The following ARB2A variants were observed in gnomAD, a reference collection of about 807,000 sequenced individuals.
ARB2A encodes the protein cotranscriptional regulator ARB2A.
At chr5:93,769,642 C>T in the ARB2A span, among the ~76,000 whole-genome samples, 1 of 152,270 alleles carries the variant, frequency 6.6e-6, no homozygotes, top group South Asian at 2.1e-4. Flanking sequence ...TTGATGCCAG[C>T]TTCTAAAGGA....
At chr5:93,969,882 G>T in the ARB2A span, among the ~76,000 whole-genome samples, 1 of 152,032 alleles carries the variant, frequency 6.6e-6, no homozygotes, top group Non-Finnish European at 1.5e-5. Flanking sequence ...TAATTTAAGG[G>T]GGTGGGGAAG....
At chr5:93,852,091 T>G in the ARB2A span, among the ~76,000 whole-genome samples, 42 of 152,210 alleles carry the variant, frequency 2.8e-4, no homozygotes, top group Non-Finnish European at 4.4e-5. Flanking sequence ...GTGTTCCTAT[T>G]TCTCCACATC....
chr5:94,034,807 G>A, the ARB2A span, among the ~76,000 whole-genome samples: 1 of 152,126 alleles, frequency 6.6e-6, no homozygotes, highest in Admixed American at 6.5e-5. Flanking sequence ...GTTAGGAACC[G>A]GGCTGCACAG....
At chr5:93,752,654 C>T in the ARB2A span, among the ~76,000 whole-genome samples, 10 of 151,878 alleles carry the variant, frequency 6.6e-5, no homozygotes, top group East Asian at 3.9e-4. Context: ...GGATAATATT[C>T]GACCTGATGA....
At chr5:93,887,398 C>T in the ARB2A span, among the ~76,000 whole-genome samples, 1 of 151,716 alleles carries the variant, frequency 6.6e-6, no homozygotes, top group Non-Finnish European at 1.5e-5. Context: ...AAAGAAACTA[C>T]AGTTTTATTA....
chr5:93,710,602 AG>A, the ARB2A span, among the ~76,000 whole-genome samples: 1 of 152,348 alleles, frequency 6.6e-6, no homozygotes, highest in African/African-American at 2.4e-5. Context: ...TAGTATTTAA[AG>A]GGTAACTAGA....
chr5:94,005,960 G>C, the ARB2A span, among the ~76,000 whole-genome samples: 4 of 152,162 alleles, frequency 2.6e-5, no homozygotes, highest in Non-Finnish European at 1.5e-5. Context: ...AGACACTCTG[G>C]AAAACACTTT....
the ARB2A span, among the ~76,000 whole-genome samples, chr5:94,073,252 C>A: frequency 6.6e-6 from 1 of 152,040 alleles, no homozygotes; most frequent in Non-Finnish European, 1.5e-5. Flanking sequence ...ATTTTATTTT[C>A]TAATATTTCC....
At chr5:93,853,563 T>G in the ARB2A span, among the ~76,000 whole-genome samples, 1 of 152,202 alleles carries the variant, frequency 6.6e-6, no homozygotes, top group Non-Finnish European at 1.5e-5. Context: ...CTTCCAGTTT[T>G]TGCCCATTCA....
the ARB2A span, among the ~76,000 whole-genome samples, chr5:94,027,259 T>C: frequency 6.6e-6 from 1 of 152,186 alleles, no homozygotes; most frequent in Non-Finnish European, 1.5e-5. Flanking sequence ...ACTCCTAAAA[T>C]CCTCAGAAAT....
the ARB2A span, among the ~76,000 whole-genome samples, chr5:93,744,434 CAAAA>C: frequency 0.022 from 324 of 14,408 alleles, no homozygotes; most frequent in African/African-American, 0.076. Context: ...GACTCAGTCT[CAAAA>C]AAAAAAAAAA....
chr5:94,011,629 C>T, the ARB2A span, among the ~76,000 whole-genome samples: 4 of 152,034 alleles, frequency 2.6e-5, no homozygotes, highest in African/African-American at 9.7e-5. Flanking sequence ...GACTGGCTAG[C>T]TCTACAGATT....
At chr5:94,031,030 T>C in the ARB2A span, among the ~76,000 whole-genome samples, 1 of 152,190 alleles carries the variant, frequency 6.6e-6, no homozygotes, top group African/African-American at 2.4e-5. Flanking sequence ...TCATCAATTA[T>C]CCAGTCTCAG....
chr5:94,030,736 T>C, the ARB2A span, among the ~76,000 whole-genome samples: 1 of 152,196 alleles, frequency 6.6e-6, no homozygotes, highest in South Asian at 2.1e-4. Flanking sequence ...TAAGAGGAGA[T>C]TAGGTCCTTA....
At chr5:93,791,655 A>G in the ARB2A span, among the ~76,000 whole-genome samples, 2 of 152,194 alleles carry the variant, frequency 1.3e-5, no homozygotes, top group African/African-American at 4.8e-5. Flanking sequence ...CCTAGCTTCA[A>G]TTCTTGCAAT....
chr5:93,702,973 C>A, the ARB2A span, among the ~76,000 whole-genome samples: 1 of 151,888 alleles, frequency 6.6e-6, no homozygotes, highest in East Asian at 1.9e-4. Context: ...ATAAAAAGAT[C>A]GATAGTTTAA....
At chr5:93,664,375 A>C in the ARB2A span, among the ~76,000 whole-genome samples, 70 of 152,142 alleles carry the variant, frequency 4.6e-4, 1 homozygote, top group African/African-American at 1.6e-3. Context: ...TATTTTTTTA[A>C]GTATGTTAGA....
At chr5:94,040,210 T>G in the ARB2A span, among the ~76,000 whole-genome samples, 1 of 152,252 alleles carries the variant, frequency 6.6e-6, no homozygotes, top group African/African-American at 2.4e-5. Context: ...CTTGTACTCT[T>G]TGCTAATGGC....
chr5:94,048,516 C>A, the ARB2A span, among the ~76,000 whole-genome samples: 1 of 152,202 alleles, frequency 6.6e-6, no homozygotes, highest in African/African-American at 2.4e-5. Flanking sequence ...TGGATGCTGT[C>A]AGATGACATT....
Sources: gnomAD v4.1 joint callset for allele counts (sites outside exome capture counted in the v4.1 genomes callset) on GRCh38, gnomAD v4.1.1 for gene constraint, MANE v1.5 for transcripts, NCBI Gene and HGNC (gene_info 2026-07-23, HGNC 2026-07-21) for gene names.